RPH3A: variants seen among roughly 807,000 people sequenced by gnomAD.
The protein encoded by RPH3A is rabphilin 3A.
In RPH3A, 48 loss-of-function variants were observed where a neutral mutation model predicts 102.2. That is an observed-to-expected ratio of 0.47 (90% CI 0.37 to 0.60). The LOEUF (loss-of-function observed/expected upper bound fraction) is 0.60, where lower values mean the gene tolerates loss of function less well. RPH3A is among the 20% of genes least tolerant of loss of function. RPH3A has a pLI of 0.00. For missense variants in RPH3A, 781 were observed against 910.1 expected (o/e 0.86, Z 1.83); for synonymous variants, 310 against 324.3 (o/e 0.96, Z 0.47).
chr12:112,767,103 A>G (rs1459813035), intron 1 of RPH3A, among the ~76,000 whole-genome samples: 4 of 151,932 alleles, frequency 2.6e-5, no homozygotes, highest in Non-Finnish European at 5.9e-5. Context: ...TCACTCATGC[A>G]AAGATGGCAA....
chr12:112,632,489 G>A lies in RPH3A; in HGVS notation c.-140+57170G>A, dbSNP rs2039813998. 2.6e-5 allele frequency among the ~76,000 whole-genome samples: 4 copies of A among 152,104 alleles called. No individual in the cohort carries two copies. In the South Asian group the frequency reaches 6.2e-4, roughly 24 times the overall value. On this transcript the variant is annotated intron_variant, in intron 1 of 21. Transcript: ENST00000543106. ...GCAGTTCCACTCTGTTCCAGCCTGG[G>A]TTCAAGTTTGCACACTCCAAGCCCA...
At chr12:112,690,709 C>T (rs894181146) in intron 1 of RPH3A, among the ~76,000 whole-genome samples, 2 of 152,170 alleles carry the variant, frequency 1.3e-5, no homozygotes, top group Non-Finnish European at 1.5e-5. Flanking sequence ...GGGTTCCTGC[C>T]TCTTGGGGAG....
At chr12:112,875,790 T>G in intron 12 of RPH3A, 49 bp downstream of exon 12, 84 of 1,475,498 alleles carry the variant, frequency 5.7e-5, no homozygotes, top group Non-Finnish European at 6.9e-5. Flanking sequence ...ACCTCTCCCC[T>G]ACCTCCCTGA....
intron 4 of RPH3A, chr12:112,837,658 T>C (rs1200654389): frequency 4.7e-6 from 2 of 429,520 alleles, no homozygotes; most frequent in Non-Finnish European, 9.4e-6. Flanking sequence ...AAGATCTGCT[T>C]TCTATGAAAT....
intron 1 of RPH3A, among the ~76,000 whole-genome samples, chr12:112,655,960 G>A (rs140365059): frequency 3.7e-4 from 56 of 152,244 alleles, no homozygotes; most frequent in African/African-American, 1.3e-3. Flanking sequence ...ATAGCTGCAG[G>A]AATGGGACAT....
intron 1 of RPH3A, among the ~76,000 whole-genome samples, chr12:112,644,603 CT>C (rs1415829068): frequency 4.6e-5 from 7 of 152,194 alleles, no homozygotes; most frequent in South Asian, 2.1e-4. Context: ...GCTACAGTGG[CT>C]GAGAAACATT....
chr12:112,632,804 G>T (rs2039815973), intron 1 of RPH3A, among the ~76,000 whole-genome samples: 1 of 152,160 alleles, frequency 6.6e-6, no homozygotes, highest in Non-Finnish European at 1.5e-5. Flanking sequence ...GAGCATAGCG[G>T]ACAAGGGAGA....
At chr12:112,735,376 C>T (rs926345146) in intron 1 of RPH3A, among the ~76,000 whole-genome samples, 2 of 152,138 alleles carry the variant, frequency 1.3e-5, no homozygotes, top group African/African-American at 4.8e-5. Context: ...AGCTTAGAAA[C>T]TTAATTTTGA....
At chr12:112,702,126 T>C (rs2040398861) in intron 1 of RPH3A, among the ~76,000 whole-genome samples, 1 of 152,248 alleles carries the variant, frequency 6.6e-6, no homozygotes, top group African/African-American at 2.4e-5. Context: ...CAGATGCAGA[T>C]AAGCTGGCTC....
At chr12:112,621,502 G>A (rs551289364) in intron 1 of RPH3A, among the ~76,000 whole-genome samples, 1 of 147,406 alleles carries the variant, frequency 6.8e-6, no homozygotes, top group African/African-American at 2.6e-5. Flanking sequence ...TTTCAGACCG[G>A]CTTAAAAAAC....
upstream of RPH3A, among the ~76,000 whole-genome samples, chr12:112,790,582 A>G (rs568773174): frequency 2.2e-4 from 33 of 152,280 alleles, no homozygotes; most frequent in African/African-American, 7.9e-4. Flanking sequence ...CCTTTTTCCA[A>G]TTTGAGCCCT....
chr12:112,654,677 G>A lies in RPH3A; in HGVS notation c.-140+79358G>A, dbSNP rs779625572. 6.6e-5 allele frequency among the ~76,000 whole-genome samples: 10 copies of A among 152,300 alleles called. No homozygotes were observed. The Middle Eastern group carries it at 0.01, about 155-fold the overall frequency. ...AAGCCTCAGCAAGGTTCTTGGTGCA[G>A]TTATAGATGTTGCAATTCTTTCAGA... On this transcript the variant is annotated intron_variant, in intron 1 of 21. Transcript: ENST00000543106.
At chr12:112,832,985 G>A (rs574082733) in intron 3 of RPH3A, among the ~76,000 whole-genome samples, 14 of 139,598 alleles carry the variant, frequency 1.0e-4, no homozygotes, top group Non-Finnish European at 2.1e-4. Context: ...TGCCTAGGCT[G>A]GAGTGCAGTG....
chr12:112,858,138 G>A (rs905914982), intron 5 of RPH3A, among the ~76,000 whole-genome samples: 2 of 151,600 alleles, frequency 1.3e-5, no homozygotes, highest in Non-Finnish European at 2.9e-5. Flanking sequence ...GTAGTGGCAC[G>A]CACCTGGAGT....
intron 1 of RPH3A, among the ~76,000 whole-genome samples, chr12:112,747,874 T>C (rs950098251): frequency 3.3e-5 from 5 of 152,168 alleles, no homozygotes; most frequent in Non-Finnish European, 7.4e-5. Context: ...CCCATTAGCG[T>C]GGACTGACAG....
intron 2 of RPH3A, among the ~76,000 whole-genome samples, chr12:112,815,509 G>A (rs1210078062): frequency 6.6e-6 from 1 of 152,130 alleles, no homozygotes; most frequent in Non-Finnish European, 1.5e-5. Context: ...CCCCTCAGAT[G>A]TGAGGACCAG....
At position 112,872,974 on chromosome 12, in the gene RPH3A, A is replaced by T. The variant is rs1174626010; in HGVS notation, c.797-2110A>T. Among the ~76,000 whole-genome samples, 4 of 152,146 alleles carry T rather than the reference A, an allele frequency of 2.6e-5. No homozygotes were observed. The East Asian group carries it at 7.7e-4, about 29-fold the overall frequency. ...CACTGTCTAAAGCATTATAGCCTGA[A>T]TCTCTCTCCCTTGTAATACCAGGGA... On this transcript the variant is annotated intron_variant, in intron 10 of 21. Coordinates refer to ENST00000389385, the MANE Select transcript of RPH3A (RefSeq NM_001143854.2).
intron 4 of RPH3A, among the ~76,000 whole-genome samples, chr12:112,844,215 G>A (rs1456447460): frequency 1.3e-5 from 2 of 152,196 alleles, no homozygotes; most frequent in African/African-American, 4.8e-5. Flanking sequence ...GGGATGAGCT[G>A]TCACTCTTGG....
At chr12:112,635,301 G>A (rs977164422) in intron 1 of RPH3A, among the ~76,000 whole-genome samples, 24 of 152,168 alleles carry the variant, frequency 1.6e-4, no homozygotes, top group African/African-American at 5.8e-4. Flanking sequence ...TAATATCCTG[G>A]CAATGTAGTT....
Sources: gnomAD v4.1 joint callset for allele counts (sites outside exome capture counted in the v4.1 genomes callset) on GRCh38, gnomAD v4.1.1 for gene constraint, MANE v1.5 for transcripts, NCBI Gene and HGNC (gene_info 2026-07-23, HGNC 2026-07-21) for gene names.